Variants in TBCA observed in about 807,000 individuals in gnomAD.
The protein encoded by TBCA is tubulin-specific chaperone A.
A neutral mutation model predicts 15.8 loss-of-function variants in TBCA; 6 were observed. That is an observed-to-expected ratio of 0.38 (90% CI 0.21 to 0.75). The LOEUF (loss-of-function observed/expected upper bound fraction) is 0.75, where lower values mean the gene tolerates loss of function less well. TBCA is among the 30% of genes least tolerant of loss of function. TBCA has a pLI of 0.46. For synonymous variants in TBCA, 32 were observed against 42.3 expected (o/e 0.76, Z 0.94); for missense variants, 90 against 131.2 (o/e 0.69, Z 1.53).
At chr5:77,701,245 G>C (rs1280263283) in intron 2 of TBCA, among the ~76,000 whole-genome samples, 1 of 151,856 alleles carries the variant, frequency 6.6e-6, no homozygotes, top group Non-Finnish European at 1.5e-5. Flanking sequence ...TCAAAAAGTG[G>C]GCTAACGATA....
intron 3 of TBCA, 113 bp downstream of exon 3, chr5:77,693,153 G>A (rs762341057): frequency 6.5e-7 from 1 of 1,537,240 alleles, no homozygotes; most frequent in South Asian, 1.2e-5. Flanking sequence ...TAAAGGGCAA[G>A]TGAATAAGAA....
At chr5:77,708,221 T>C (rs765482032) in intron 2 of TBCA, 21 bp downstream of exon 2, 11 of 1,526,800 alleles carry the variant, frequency 7.2e-6, no homozygotes, top group Non-Finnish European at 9.0e-6. Flanking sequence ...TTAGCTATTG[T>C]TATTTATGAT....
At chr5:77,714,806 T>A (rs1184471753) in intron 1 of TBCA, among the ~76,000 whole-genome samples, 2 of 152,040 alleles carry the variant, frequency 1.3e-5, no homozygotes, top group African/African-American at 4.8e-5. Flanking sequence ...GACCTTGTGA[T>A]CCGCCCACCT....
At chr5:77,774,916 G>C (rs1156540500) in intron 1 of TBCA, among the ~76,000 whole-genome samples, 1 of 151,154 alleles carries the variant, frequency 6.6e-6, no homozygotes, top group Non-Finnish European at 1.5e-5. Context: ...GAAAAGTCAA[G>C]CTGGGAATTG....
At chr5:77,693,577 T>A (rs1416537521) in intron 2 of TBCA, 1 of 512,808 alleles carries the variant, frequency 2.0e-6, no homozygotes, top group Admixed American at 3.0e-5. Flanking sequence ...GGCAGGCAGA[T>A]CACCTGAGGT....
At chr5:77,748,264 T>C (rs1454065664) in intron 1 of TBCA, among the ~76,000 whole-genome samples, 1 of 152,172 alleles carries the variant, frequency 6.6e-6, no homozygotes, top group Non-Finnish European at 1.5e-5. Flanking sequence ...AATGTAGTAA[T>C]ATGGAATGTT....
intron 2 of TBCA, among the ~76,000 whole-genome samples, chr5:77,697,576 T>C (rs1236508461): frequency 6.6e-6 from 1 of 151,688 alleles, no homozygotes; most frequent in Non-Finnish European, 1.5e-5. Flanking sequence ...GAAATGAAAA[T>C]ATAACATGTC....
rs187379529 is a variant in TBCA at position 77,735,228 on chromosome 5, A to G, written c.54-26881T>C. Reference sequence around the variant, plus strand: ...ATACAAAGGATCACAACATAAAAAGAAAGTCTCTTAAATAAGGTACTCAAA... The same window carrying G: ...ATACAAAGGATCACAACATAAAAAGGAAGTCTCTTAAATAAGGTACTCAAA... On this transcript the variant is annotated intron_variant, in intron 1 of 3. Coordinates refer to ENST00000380377, the MANE Select transcript of TBCA (RefSeq NM_004607.3). 1.4e-3 allele frequency among the ~76,000 whole-genome samples: 207 copies of G among 152,334 alleles called. 1 individual carries two copies. The highest frequency in any genetic ancestry group is 4.6e-3 in the Admixed American group (71 of 15,306).
intron 3 of TBCA, chr5:77,692,607 C>T (rs1400646845): frequency 1.0e-6 from 1 of 985,252 alleles, no homozygotes; most frequent in Non-Finnish European, 1.2e-6. Flanking sequence ...TTTTTCCAAG[C>T]AATTTCTATT....
chr5:77,774,322 A>G (rs923031318), intron 1 of TBCA, among the ~76,000 whole-genome samples: 4 of 152,148 alleles, frequency 2.6e-5, no homozygotes, highest in Non-Finnish European at 5.9e-5. Context: ...TCTGTAGAGA[A>G]CCCTCTTCCC....
At chr5:77,763,445 T>C (rs1391505856) in intron 1 of TBCA, among the ~76,000 whole-genome samples, 3 of 152,166 alleles carry the variant, frequency 2.0e-5, no homozygotes, top group Admixed American at 6.5e-5. Flanking sequence ...TTTGGAAGTC[T>C]GGCATTGCAA....
At chr5:77,717,606 T>G (rs2662380) in intron 1 of TBCA, among the ~76,000 whole-genome samples, 57,932 of 148,514 alleles carry the variant, frequency 0.39, 11,071 homozygotes, top group South Asian at 0.42. Context: ...AAGGTGGGCG[T>G]ATCACCTGAG....
chr5:77,752,156 A>C (rs900455334), intron 1 of TBCA, among the ~76,000 whole-genome samples: 1 of 152,188 alleles, frequency 6.6e-6, no homozygotes, highest in African/African-American at 2.4e-5. Flanking sequence ...TATTTTTACA[A>C]TCCATTATAG....
At chr5:77,732,459 G>A (rs1423507910) in intron 1 of TBCA, among the ~76,000 whole-genome samples, 1 of 149,672 alleles carries the variant, frequency 6.7e-6, no homozygotes, top group Non-Finnish European at 1.5e-5. Flanking sequence ...GCTGAGGCAG[G>A]AGAAAGGCAT....
At chr5:77,737,071 T>C (rs1302368325) in intron 1 of TBCA, among the ~76,000 whole-genome samples, 5 of 152,188 alleles carry the variant, frequency 3.3e-5, no homozygotes, top group Admixed American at 6.5e-5. Context: ...TAAAGGACGA[T>C]AGAGCTTACA....
chr5:77,760,767 G>A (rs889256600), intron 1 of TBCA, among the ~76,000 whole-genome samples: 27 of 152,294 alleles, frequency 1.8e-4, no homozygotes, highest in Admixed American at 4.6e-4. Flanking sequence ...ATCTCAGCTC[G>A]CTACAACCTC....
intron 1 of TBCA, among the ~76,000 whole-genome samples, chr5:77,770,971 T>C (rs1239986829): frequency 1.3e-5 from 2 of 151,706 alleles, no homozygotes; most frequent in African/African-American, 4.8e-5. Flanking sequence ...TACTAAAAAA[T>C]ACAAAAATTA....
At chr5:77,692,028 C>T (rs1451945786) in intron 3 of TBCA, 1 of 985,296 alleles carries the variant, frequency 1.0e-6, no homozygotes, top group Admixed American at 6.1e-5. Context: ...AAACAAAATA[C>T]ATCTTTCATT....
chr5:77,732,030 G>A (rs1282446596), intron 1 of TBCA, among the ~76,000 whole-genome samples: 1 of 152,070 alleles, frequency 6.6e-6, no homozygotes, highest in Non-Finnish European at 1.5e-5. Context: ...CATCTCTCTG[G>A]GACGTTGCTT....
Sources: allele counts gnomAD v4.1 joint callset (sites outside exome capture counted in the v4.1 genomes callset), GRCh38; gene constraint gnomAD v4.1.1; transcripts MANE v1.5; gene names NCBI Gene and HGNC (gene_info 2026-07-23, HGNC 2026-07-21).